EML4: variants seen among roughly 807,000 people sequenced by gnomAD.
EML4 encodes the protein EMAP like 4.
In EML4, 72 loss-of-function variants were observed where a neutral mutation model predicts 129.0. The ratio of observed to expected loss-of-function variants is 0.56; its 90% CI spans 0.46 to 0.68. The LOEUF is 0.68. Ranked by LOEUF, EML4 falls within the 30% of genes least tolerant of loss-of-function variation. The pLI is 0.00. For synonymous variants in EML4, 532 were observed against 405.0 expected (o/e 1.31, Z -3.77); for missense variants, 1,363 against 1,190.6 (o/e 1.14, Z -2.13).
chr2:42,205,691 G>T (rs566640609), intron 1 of EML4, among the ~76,000 whole-genome samples: 2 of 152,180 alleles, frequency 1.3e-5, no homozygotes, highest in Non-Finnish European at 2.9e-5. Context: ...GACAGAAATG[G>T]ATAAATTGTT....
rs1665848187 is a variant in EML4 at position 42,263,309 on chromosome 2, A to G, written c.641+3A>G. 2 of 1,609,920 alleles carry G rather than the reference A, an allele frequency of 1.2e-6. No homozygotes were observed. The highest frequency in any genetic ancestry group is 1.7e-6 in the Non-Finnish European group (2 of 1,178,024). On this transcript the variant is annotated splice_donor_region_variant and intron_variant, in intron 5 of 22. Coordinates refer to ENST00000318522, the MANE Select transcript of EML4 (RefSeq NM_019063.5). ...AAAGTTACCAAAACTGCAGACAAGT[A>G]AGTATTGCACTTTCTTCATTATATC...
At chr2:42,174,119 T>C (rs1270618317) in intron 1 of EML4, among the ~76,000 whole-genome samples, 3 of 152,234 alleles carry the variant, frequency 2.0e-5, no homozygotes, top group African/African-American at 7.2e-5. Flanking sequence ...ATACTGTATT[T>C]TGTATGTGGG....
chr2:42,266,197 C>T (rs1403190898), intron 6 of EML4, among the ~76,000 whole-genome samples: 1 of 152,142 alleles, frequency 6.6e-6, no homozygotes, highest in Non-Finnish European at 1.5e-5. Context: ...TTTACATAGA[C>T]ATTCTAAATG....
intron 1 of EML4, among the ~76,000 whole-genome samples, chr2:42,209,541 C>T (rs1672759790): frequency 6.6e-6 from 1 of 152,178 alleles, no homozygotes; most frequent in African/African-American, 2.4e-5. Flanking sequence ...GTTTTTCAAA[C>T]TTTAGTTATC....
At chr2:42,192,766 T>A (rs1671676221) in intron 1 of EML4, among the ~76,000 whole-genome samples, 12 of 152,146 alleles carry the variant, frequency 7.9e-5, no homozygotes, top group Admixed American at 7.9e-4. Flanking sequence ...AAAACAGTGA[T>A]AAATGAAGCA....
intron 4 of EML4, 130 bp downstream of exon 4, chr2:42,261,424 ATTGCTTATAATT>A: frequency 1.4e-6 from 1 of 693,754 alleles, no homozygotes; most frequent in Non-Finnish European, 2.2e-6. Context: ...TCCCTTCTTC[ATTGCTTATAATT>A]TATGCTTTAT....
rs1491209932 is a variant in EML4 at position 42,241,872 on chromosome 2, GTC to G, written c.26-3632_26-3631del. Among the ~76,000 whole-genome samples, 219 of 135,722 alleles carry G rather than the reference GTC, an allele frequency of 1.6e-3. 1 individual carries two copies. Among genetic ancestry groups the G allele is most frequent in the African/African-American group, 6.7e-3 (207 of 31,036 alleles). The allele number at this position is 135,722 out of a possible 152,430, so 89.0% of individuals were successfully genotyped here. A position where few individuals can be genotyped will look rare whatever the true frequency, so the allele number is the denominator to read the frequency against. ...ATAGATTGTGTGTGTATGTGTGTGT[GTC>G]GGGGGGGGGAAGCTGAGGTAATAAA... On this transcript the variant is annotated intron_variant, in intron 1 of 22. Transcript: ENST00000318522.
At chr2:42,172,389 A>G (rs1670332771) in intron 1 of EML4, among the ~76,000 whole-genome samples, 1 of 152,234 alleles carries the variant, frequency 6.6e-6, no homozygotes, top group Non-Finnish European at 1.5e-5. Flanking sequence ...TCTAATGGCA[A>G]TTAAGACTAG....
chr2:42,188,121 G>A (rs1266689921), intron 1 of EML4, among the ~76,000 whole-genome samples: 2 of 152,184 alleles, frequency 1.3e-5, no homozygotes, highest in Admixed American at 6.5e-5. Context: ...TGGCACCTTT[G>A]CTGAAAATCA....
intron 17 of EML4, among the ~76,000 whole-genome samples, chr2:42,309,249 TAA>T (rs200410485): frequency 7.0e-6 from 1 of 143,816 alleles, no homozygotes; most frequent in Admixed American, 6.9e-5. Context: ...CTACAAAAAA[TAA>T]AAAAAAAAAT....
chr2:42,231,481 C>G (rs1024844153), intron 1 of EML4, among the ~76,000 whole-genome samples: 1 of 152,210 alleles, frequency 6.6e-6, no homozygotes, highest in East Asian at 1.9e-4. Flanking sequence ...ACACATCTTT[C>G]TGCTCCCTCA....
intron 1 of EML4, among the ~76,000 whole-genome samples, chr2:42,214,192 T>C (rs1673042617): frequency 6.6e-6 from 1 of 152,216 alleles, no homozygotes; most frequent in South Asian, 2.1e-4. Context: ...ACTGACAAGA[T>C]GTCAGATAGT....
chr2:42,257,728 T>G (rs1415550828), intron 3 of EML4, among the ~76,000 whole-genome samples: 1 of 151,474 alleles, frequency 6.6e-6, no homozygotes, highest in Non-Finnish European at 1.5e-5. Flanking sequence ...TCGCAGCTAC[T>G]CAGGAGGCTG....
chr2:42,201,402 A>AT (rs949341740), intron 1 of EML4, among the ~76,000 whole-genome samples: 3 of 152,220 alleles, frequency 2.0e-5, no homozygotes, highest in African/African-American at 7.2e-5. Flanking sequence ...ATGTATGCAG[A>AT]TTTTTAGCTT....
chr2:42,177,509 G>C (rs990622350), intron 1 of EML4, among the ~76,000 whole-genome samples: 4 of 152,034 alleles, frequency 2.6e-5, no homozygotes, highest in African/African-American at 7.2e-5. Context: ...TGTGGTCCCA[G>C]ATACTCGAGA....
At chr2:42,228,516 T>C (rs1176347878) in intron 1 of EML4, among the ~76,000 whole-genome samples, 1 of 152,246 alleles carries the variant, frequency 6.6e-6, no homozygotes, top group East Asian at 1.9e-4. Flanking sequence ...TCATTTGGAA[T>C]ATAGCTGTAG....
At position 42,233,322 on chromosome 2, in the gene EML4, T is replaced by C. The variant is rs532429620; in HGVS notation, c.26-12183T>C. On this transcript the variant is annotated intron_variant, in intron 1 of 22. Coordinates refer to ENST00000318522, the MANE Select transcript of EML4 (RefSeq NM_019063.5). ...ACAGGTTTCTTTCTTTTTTTTTTTT[T>C]TTTAATGGAGTCTCACTCTGTCGCC... Among the ~76,000 whole-genome samples the C allele has an allele frequency of 6.5e-4, 99 of 151,950 alleles. 1 individual carries two copies. Among genetic ancestry groups the C allele is most frequent in the Middle Eastern group, 3.4e-3 (1 of 294 alleles).
intron 1 of EML4, among the ~76,000 whole-genome samples, chr2:42,223,355 A>G (rs994544932): frequency 1.3e-5 from 2 of 152,148 alleles, no homozygotes; most frequent in Admixed American, 6.5e-5. Flanking sequence ...ATTATTTGCT[A>G]TCATTTTTTT....
At chr2:42,211,033 C>G (rs1241465816) in intron 1 of EML4, among the ~76,000 whole-genome samples, 1 of 152,176 alleles carries the variant, frequency 6.6e-6, no homozygotes, top group Non-Finnish European at 1.5e-5. Context: ...AATCTTCTGT[C>G]TCTTACACAC....
Sources: gnomAD v4.1 joint callset for allele counts (sites outside exome capture counted in the v4.1 genomes callset) on GRCh38, gnomAD v4.1.1 for gene constraint, MANE v1.5 for transcripts, NCBI Gene and HGNC (gene_info 2026-07-23, HGNC 2026-07-21) for gene names.